Variants in GINS1 observed in about 807,000 individuals in gnomAD.
GINS1 encodes DNA replication complex GINS protein PSF1.
GINS1 carries 26 observed loss-of-function variants against 34.9 expected under a neutral mutation model. The observed-to-expected ratio is 0.74, with a 90% CI of 0.55 to 1.03. The LOEUF (loss-of-function observed/expected upper bound fraction) is 1.03, where lower values mean the gene tolerates loss of function less well. GINS1 is among the 50% of genes least tolerant of loss of function. The probability of loss-of-function intolerance (pLI) is 0.00; values close to 1 mark genes in which losing one functional copy is unlikely to be tolerated. For missense variants in GINS1, 235 were observed against 237.9 expected (o/e 0.99, Z 0.08); for synonymous variants, 97 against 84.4 (o/e 1.15, Z -0.82).
intron 1 of GINS1, chr20:25,408,797 G>A (rs1420238982): frequency 1.3e-5 from 5 of 371,308 alleles, no homozygotes; most frequent in African/African-American, 8.8e-5. Context: ...AGGTGACACA[G>A]CAAGAAAGCT....
chr20:25,418,502 A>G (rs1030531887), intron 4 of GINS1, among the ~76,000 whole-genome samples: 2 of 152,218 alleles, frequency 1.3e-5, no homozygotes, highest in Admixed American at 6.5e-5. Flanking sequence ...TTACATGTGT[A>G]TATATACTTT....
rs2090482681 is a variant in GINS1, at chr20:25,441,688, A to AT, written c.448-8dup. The AT allele has an allele frequency of 1.4e-6, 2 of 1,398,552 alleles. No individual in the cohort carries two copies. Among genetic ancestry groups the AT allele is most frequent in the South Asian group, 1.2e-5 (1 of 81,822 alleles). 86.6% of individuals were successfully genotyped at this position (1,398,552 alleles called of 1,614,324 possible). On this transcript the variant is annotated splice_polypyrimidine_tract_variant and intron_variant, in intron 5 of 6. Coordinates refer to ENST00000262460, the MANE Select transcript of GINS1 (RefSeq NM_021067.5). Reference sequence around the variant, plus strand: ...AACTAATTTAGATAAAACATCTCTCATTTTTTCTTTCAGGTCCGGTGTCTA... The same window carrying AT: ...AACTAATTTAGATAAAACATCTCTCATTTTTTTCTTTCAGGTCCGGTGTCTA...
chr20:25,444,919 T>A (rs904308950), intron 6 of GINS1, among the ~76,000 whole-genome samples: 1 of 152,230 alleles, frequency 6.6e-6, no homozygotes, highest in Non-Finnish European at 1.5e-5. Context: ...ATTAGAAGAA[T>A]GTTCAGACTC....
chr20:25,440,832 A>G (rs913709086), intron 5 of GINS1, among the ~76,000 whole-genome samples: 23 of 147,538 alleles, frequency 1.6e-4, no homozygotes, highest in Non-Finnish European at 2.8e-4. Context: ...AAAAAAAAAA[A>G]GAAAGAAAAA....
chr20:25,417,075 T>C, intron 2 of GINS1, 29 bp from the exon 3 acceptor site: 1 of 991,320 alleles, frequency 1.0e-6, no homozygotes, highest in Non-Finnish European at 1.6e-6. Flanking sequence ...AAAGTACATA[T>C]TTTTTTTCTT....
At chr20:25,435,793 CT>C (rs1455012546) in intron 5 of GINS1, among the ~76,000 whole-genome samples, 8 of 109,740 alleles carry the variant, frequency 7.3e-5, no homozygotes, top group African/African-American at 2.8e-4. Flanking sequence ...AAAAAACCAA[CT>C]TTTTGTAGAG....
rs1216064805 is a variant in GINS1, at chr20:25,417,142, C to T, written c.179C>T (p.Pro60Leu). ...AKSGGRSDLI[P>L]TIKFRHCSLL... is the part of the protein sequence containing the mutation. ...TCAGGTGGACGAAGTGATTTGATACCAACTATCAAATTTCGACACTGTTCT... is the reference window on the plus strand; with the variant it reads ...TCAGGTGGACGAAGTGATTTGATACTAACTATCAAATTTCGACACTGTTCT... The change falls in exon 3 of 7, where the codon CCA (proline) becomes CTA (leucine). Residue 60 changes from proline (P) to leucine (L), a missense_variant. Pro to Leu is a moderately conservative substitution (Grantham distance 98). Transcript: ENST00000262460. The T allele has an allele frequency of 6.3e-7, 1 of 1,589,096 alleles. No individual in the cohort carries two copies. Among genetic ancestry groups the T allele is most frequent in the South Asian group, 1.1e-5 (1 of 90,208 alleles).
chr20:25,435,513 A>G (rs1445750092), intron 5 of GINS1, among the ~76,000 whole-genome samples: 1 of 151,808 alleles, frequency 6.6e-6, no homozygotes, highest in Non-Finnish European at 1.5e-5. Context: ...TAATCCCAGC[A>G]CTTTTGGAGG....
Position 25,448,424 on chromosome 20 carries a change from T to C in GINS1, c.*2433T>C, listed in dbSNP as rs1281210024. 6.6e-6 allele frequency: 1 copy of C among 152,262 alleles called. No individual in the cohort carries two copies. The highest frequency in any genetic ancestry group is 1.5e-5 in the Non-Finnish European group (1 of 68,054). The allele number at this position is 152,262 out of a possible 1,614,324, so 9.4% of individuals were successfully genotyped here. A position where few individuals can be genotyped will look rare whatever the true frequency, so the allele number is the denominator to read the frequency against. On this transcript the variant is annotated 3_prime_UTR_variant, in exon 7 of 7. Transcript: ENST00000262460. ...TAAAATTTCAAATTCTAACCACTTG[T>C]TGCTAGTAAATAGAAATACAATTGA...
chr20:25,426,314 A>G (rs988085735), intron 5 of GINS1, among the ~76,000 whole-genome samples: 1 of 151,956 alleles, frequency 6.6e-6, no homozygotes, highest in African/African-American at 2.4e-5. Context: ...TTGTAATCCT[A>G]GCGCTTTGGG....
chr20:25,417,943 T>G (rs1485479282), intron 3 of GINS1, among the ~76,000 whole-genome samples, 162 bp from the exon 4 acceptor site: 1 of 151,936 alleles, frequency 6.6e-6, no homozygotes. Context: ...CGTGGAGGAG[T>G]GGACAGTGCC....
chr20:25,427,869 ATTTTTT>A (rs11411051), intron 5 of GINS1, among the ~76,000 whole-genome samples: 1 of 94,286 alleles, frequency 1.1e-5, no homozygotes, highest in Non-Finnish European at 2.0e-5. Context: ...CCAGTTCGTC[ATTTTTT>A]TTTTTTTTTT....
chr20:25,444,913 G>T (rs868144472), intron 6 of GINS1, among the ~76,000 whole-genome samples: 2 of 152,200 alleles, frequency 1.3e-5, no homozygotes, highest in African/African-American at 2.4e-5. Context: ...CTTGTTATTA[G>T]AAGAATGTTC....
intron 2 of GINS1, among the ~76,000 whole-genome samples, chr20:25,414,731 CAA>C (rs998152961): frequency 1.8e-4 from 27 of 152,104 alleles, no homozygotes; most frequent in African/African-American, 5.1e-4. Flanking sequence ...AAAAACCTAA[CAA>C]AGTGAAATAC....
At chr20:25,408,292 C>G (rs2090260424) in intron 1 of GINS1, among the ~76,000 whole-genome samples, 1 of 152,162 alleles carries the variant, frequency 6.6e-6, no homozygotes, top group Admixed American at 6.5e-5. Context: ...CTCAAGCTTT[C>G]TGTGCTCTCA....
chr20:25,445,159 G>A (rs952669055), intron 6 of GINS1, among the ~76,000 whole-genome samples: 2 of 152,040 alleles, frequency 1.3e-5, no homozygotes, highest in Non-Finnish European at 2.9e-5. Flanking sequence ...AGCTCTAAAT[G>A]GAATCAATTT....
intron 3 of GINS1, among the ~76,000 whole-genome samples, chr20:25,417,466 C>T (rs1252927762): frequency 2.0e-5 from 3 of 152,036 alleles, no homozygotes; most frequent in East Asian, 3.8e-4. Flanking sequence ...TTTTTTTCAT[C>T]GTGTTTCACT....
At chr20:25,410,449 G>A (rs1391502364) in intron 1 of GINS1, among the ~76,000 whole-genome samples, 1 of 152,208 alleles carries the variant, frequency 6.6e-6, no homozygotes, top group Non-Finnish European at 1.5e-5. Flanking sequence ...TACTCAAGGT[G>A]ATCCAGCAGC....
At chr20:25,424,436 T>C (rs2090378808) in intron 4 of GINS1, among the ~76,000 whole-genome samples, 1 of 152,204 alleles carries the variant, frequency 6.6e-6, no homozygotes, top group Non-Finnish European at 1.5e-5. Flanking sequence ...TTTCATTGTT[T>C]TCAACTTTTT....
Sources: gnomAD v4.1 joint callset for allele counts (sites outside exome capture counted in the v4.1 genomes callset) on GRCh38, gnomAD v4.1.1 for gene constraint, MANE v1.5 for transcripts, NCBI Gene and HGNC (gene_info 2026-07-23, HGNC 2026-07-21) for gene names.